Variants in CHCHD3 observed in about 807,000 individuals in gnomAD.
CHCHD3 encodes MICOS complex subunit MIC19.
Under a neutral mutation model 38.2 loss-of-function variants are expected in CHCHD3, and 20 were observed. The observed-to-expected ratio is 0.52, with a 90% CI of 0.37 to 0.76. The LOEUF (loss-of-function observed/expected upper bound fraction) is 0.76, where lower values mean the gene tolerates loss of function less well. CHCHD3 is among the 30% of genes least tolerant of loss of function. The pLI is 0.00. For synonymous variants in CHCHD3, 82 were observed against 100.0 expected (o/e 0.82, Z 1.07); for missense variants, 245 against 279.2 (o/e 0.88, Z 0.87).
intron 1 of CHCHD3, among the ~76,000 whole-genome samples, chr7:133,079,922 T>C (rs1443290238): frequency 6.6e-6 from 1 of 152,184 alleles, no homozygotes; most frequent in Non-Finnish European, 1.5e-5. Context: ...GAAACTGCAA[T>C]GGGCTAAGTA....
At chr7:133,011,191 G>A (rs1255284541) in intron 3 of CHCHD3, among the ~76,000 whole-genome samples, 1 of 152,200 alleles carries the variant, frequency 6.6e-6, no homozygotes, top group Non-Finnish European at 1.5e-5. Flanking sequence ...ATCAGAGGGT[G>A]TAAATGTGTA....
rs188831945 is a variant in CHCHD3 at position 132,995,162 on chromosome 7, C to A, written c.252-19876G>T. On this transcript the variant is annotated intron_variant, in intron 3 of 7. Transcript: ENST00000262570. ...AAAATGTGAAATTCAGTAGGATTTT[C>A]TTTACTGTCATTTTAGGATAACTCC... 2.6e-3 allele frequency among the ~76,000 whole-genome samples: 402 copies of A among 152,258 alleles called. 1 individual carries two copies. The highest frequency in any genetic ancestry group is 6.1e-3 in the Admixed American group (93 of 15,290).
intron 3 of CHCHD3, among the ~76,000 whole-genome samples, chr7:133,004,901 G>A (rs1341472812): frequency 6.6e-6 from 1 of 152,124 alleles, no homozygotes; most frequent in East Asian, 1.9e-4. Context: ...TTGTAATAAT[G>A]AGGGAGTTTA....
At chr7:132,960,138 A>G (rs1811280714) in intron 4 of CHCHD3, among the ~76,000 whole-genome samples, 1 of 152,244 alleles carries the variant, frequency 6.6e-6, no homozygotes, top group Admixed American at 6.5e-5. Flanking sequence ...AATCCACCGC[A>G]TGCACTTGTA....
At chr7:132,966,526 G>A (rs563250419) in intron 4 of CHCHD3, among the ~76,000 whole-genome samples, 3 of 152,256 alleles carry the variant, frequency 2.0e-5, no homozygotes, top group Admixed American at 6.5e-5. Context: ...TCCAATACAC[G>A]AAAATGAAGC....
chr7:133,014,403 C>T (rs983002343), intron 3 of CHCHD3, among the ~76,000 whole-genome samples: 1 of 150,958 alleles, frequency 6.6e-6, no homozygotes, highest in Admixed American at 6.6e-5. Context: ...TGTAAGGAAG[C>T]AATTGTAAAT....
chr7:132,789,038 A>T, intron 7 of CHCHD3, among the ~76,000 whole-genome samples: 1 of 152,178 alleles, frequency 6.6e-6, no homozygotes. Context: ...GCTCCAACTC[A>T]GAACTCAGGG....
chr7:132,817,351 G>T (rs1334465032), intron 6 of CHCHD3, among the ~76,000 whole-genome samples: 2 of 151,954 alleles, frequency 1.3e-5, no homozygotes, highest in African/African-American at 4.8e-5. Context: ...TGAGACCAAA[G>T]ATTTCAAAGG....
At chr7:132,930,078 A>C (rs1231015601) in intron 4 of CHCHD3, among the ~76,000 whole-genome samples, 1 of 152,128 alleles carries the variant, frequency 6.6e-6, no homozygotes, top group Non-Finnish European at 1.5e-5. Flanking sequence ...CTTAAACAGA[A>C]ATGTGATTCT....
At chr7:132,971,637 G>C (rs904285896) in intron 4 of CHCHD3, among the ~76,000 whole-genome samples, 1 of 150,386 alleles carries the variant, frequency 6.6e-6, no homozygotes, top group Non-Finnish European at 1.5e-5. Flanking sequence ...GGGGTGTGGG[G>C]TAAGGGGTGG....
intron 4 of CHCHD3, among the ~76,000 whole-genome samples, chr7:132,974,529 A>G (rs1286563695): frequency 6.6e-6 from 1 of 152,104 alleles, no homozygotes; most frequent in South Asian, 2.1e-4. Context: ...AAAGAAGCCT[A>G]CATTGCTGAC....
chr7:132,979,619 A>G (rs1215695849), intron 3 of CHCHD3, among the ~76,000 whole-genome samples: 1 of 152,210 alleles, frequency 6.6e-6, no homozygotes, highest in African/African-American at 2.4e-5. Flanking sequence ...CAGAAGCACC[A>G]AGAAAGGATT....
intron 6 of CHCHD3, among the ~76,000 whole-genome samples, chr7:132,801,702 A>C (rs1806798742): frequency 2.6e-5 from 4 of 152,266 alleles, no homozygotes; most frequent in African/African-American, 9.6e-5. Flanking sequence ...AAATAGCTAC[A>C]GCTTGGGCTT....
At chr7:132,992,385 A>G (rs904914394) in intron 3 of CHCHD3, among the ~76,000 whole-genome samples, 2 of 152,100 alleles carry the variant, frequency 1.3e-5, no homozygotes, top group African/African-American at 4.8e-5. Flanking sequence ...CAGCTAGGAA[A>G]TGCCCCTTCC....
intron 3 of CHCHD3, among the ~76,000 whole-genome samples, chr7:132,991,670 C>A (rs1025279883): frequency 1.3e-5 from 2 of 152,102 alleles, no homozygotes; most frequent in Admixed American, 1.3e-4. Context: ...AAGATGAAAT[C>A]GTTTGAATGC....
intron 4 of CHCHD3, among the ~76,000 whole-genome samples, chr7:132,971,984 G>C (rs1811624340): frequency 6.6e-6 from 1 of 151,218 alleles, no homozygotes; most frequent in Admixed American, 6.6e-5. Flanking sequence ...AACAACAGCA[G>C]GCTTGCGATC....
chr7:132,941,344 T>A, intron 4 of CHCHD3, among the ~76,000 whole-genome samples: 1 of 152,276 alleles, frequency 6.6e-6, no homozygotes, highest in Non-Finnish European at 1.5e-5. Flanking sequence ...GCTATAATCC[T>A]CAGGCCATCC....
intron 6 of CHCHD3, among the ~76,000 whole-genome samples, chr7:132,806,854 A>G (rs1012490823): frequency 6.6e-6 from 1 of 152,208 alleles, no homozygotes; most frequent in Non-Finnish European, 1.5e-5. Context: ...GGTAGTGTGA[A>G]AAGAGTGAGT....
In CHCHD3 at chr7:132,871,970, C is replaced by A. The variant is rs145758602; in HGVS notation, c.453+13692G>T. Among the ~76,000 whole-genome samples the A allele has an allele frequency of 3.6e-4, 55 of 152,304 alleles. No individual in the cohort carries two copies. The East Asian group carries it at 0.01, about 29-fold the overall frequency. ...AGTAAAAATAAGGGGATGCCCAACA[C>A]AGGCAGAGCAATCTGCAGAGAGAAC... On this transcript the variant is annotated intron_variant, in intron 5 of 7. Transcript: ENST00000262570.
Sources: gnomAD v4.1 joint callset for allele counts (sites outside exome capture counted in the v4.1 genomes callset) on GRCh38, gnomAD v4.1.1 for gene constraint, MANE v1.5 for transcripts, NCBI Gene and HGNC (gene_info 2026-07-23, HGNC 2026-07-21) for gene names.